FA2H: variants seen among roughly 807,000 people sequenced by gnomAD.
The protein encoded by FA2H is fatty acid 2-hydroxylase.
FA2H carries 22 observed loss-of-function variants against 44.9 expected under a neutral mutation model. The observed-to-expected ratio is 0.49, with a 90% CI of 0.35 to 0.70. The LOEUF is 0.70. Among genes scored for constraint, FA2H ranks in the 30% least tolerant of loss-of-function variants. FA2H has a pLI of 0.01. For missense variants in FA2H, 501 were observed against 504.9 expected (o/e 0.99, Z 0.07); for synonymous variants, 243 against 213.2 (o/e 1.14, Z -1.22).
chr16:74,720,573 T>C (rs1961813688), intron 4 of FA2H, among the ~76,000 whole-genome samples: 1 of 152,114 alleles, frequency 6.6e-6, no homozygotes, highest in Non-Finnish European at 1.5e-5. Context: ...CTTAACGGCT[T>C]TATCTAAATC....
intron 1 of FA2H, among the ~76,000 whole-genome samples, chr16:74,741,808 A>ATATATATATATATATGTGTGTG (rs1491185782): frequency 2.7e-4 from 13 of 48,384 alleles, no homozygotes; most frequent in African/African-American, 1.1e-3. Context: ...ATATATATAT[A>ATATATATATATATATGTGTGTG]TGTGTGTGTG....
At chr16:74,764,699 G>A (rs114880859) in intron 1 of FA2H, among the ~76,000 whole-genome samples, 284 of 151,568 alleles carry the variant, frequency 1.9e-3, no homozygotes, top group African/African-American at 6.6e-3. Flanking sequence ...TAACAAACCT[G>A]CACATGTATT....
chr16:74,774,373 G>C, intron 1 of FA2H, 113 bp downstream of exon 1: 2 of 1,030,382 alleles, frequency 1.9e-6, no homozygotes, highest in Non-Finnish European at 2.7e-6. Flanking sequence ...AGGGAAGGGA[G>C]GGCAGAAGCT....
rs773739894 is a variant in FA2H at position 74,774,740 on chromosome 16, G to A, written c.16C>T (p.Pro6Ser). Residue 6 changes from proline (P) to serine (S), a missense_variant, in exon 1 of 7, where the codon CCC (proline) becomes TCC (serine). By Grantham distance (74) the Pro-to-Ser change is moderately conservative. Transcript: ENST00000219368. ...GAGGGCGAGAAGGAGGCGGCGGGGG[G>A]CGGAGCGGGGGCCATGGCCGGAGAC... MAPAPPPAASFSPSEV... is the reference protein window; with the variant it reads MAPAPSPAASFSPSEV... The A allele has an allele frequency of 7.3e-5, 96 of 1,318,406 alleles. No individual in the cohort carries two copies. Among genetic ancestry groups the A allele is most frequent in the Non-Finnish European group, 7.1e-5 (74 of 1,043,624 alleles). The allele number at this position is 1,318,406 out of a possible 1,614,324, so 81.7% of individuals were successfully genotyped here.
intron 2 of FA2H, among the ~76,000 whole-genome samples, chr16:74,728,284 A>T (rs1347749841): frequency 3.9e-5 from 6 of 152,192 alleles, no homozygotes; most frequent in African/African-American, 1.4e-4. Context: ...TAATAACGGT[A>T]CCTGCATTAA....
intron 1 of FA2H, among the ~76,000 whole-genome samples, chr16:74,772,368 C>A (rs1962926085): frequency 6.6e-6 from 1 of 152,204 alleles, no homozygotes; most frequent in Non-Finnish European, 1.5e-5. Context: ...CCCTCTAGAT[C>A]CGTACTCTGA....
At chr16:74,758,462 T>A (rs1962652947) in intron 1 of FA2H, among the ~76,000 whole-genome samples, 1 of 152,098 alleles carries the variant, frequency 6.6e-6, no homozygotes, top group Non-Finnish European at 1.5e-5. Context: ...CTATTTAAAT[T>A]TTTATGAACT....
chr16:74,765,187 G>A (rs912680633), intron 1 of FA2H, among the ~76,000 whole-genome samples: 8 of 147,510 alleles, frequency 5.4e-5, no homozygotes, highest in East Asian at 2.0e-4. Context: ...ACAAAGTCTC[G>A]CTCTTGTCCC....
Position 74,713,250 on chromosome 16 carries a change from T to C in FA2H, c.*940A>G, listed in dbSNP as rs1191698726. Reference sequence around the variant, plus strand: ...AAGGGCCGTCTGACCAGCTCCTTGGTCTGGGACCAGACTAAGAACATGTAT... The same window carrying C: ...AAGGGCCGTCTGACCAGCTCCTTGGCCTGGGACCAGACTAAGAACATGTAT... On this transcript the variant is annotated 3_prime_UTR_variant, in exon 7 of 7. Transcript: ENST00000219368. The C allele has an allele frequency of 1.3e-5, 2 of 152,670 alleles. No homozygotes were observed. Among genetic ancestry groups the C allele is most frequent in the African/African-American group, 4.8e-5 (2 of 41,446 alleles). The allele number at this position is 152,670 out of a possible 1,614,324, so 9.5% of individuals were successfully genotyped here.
At chr16:74,770,469 C>T (rs528420233) in intron 1 of FA2H, among the ~76,000 whole-genome samples, 1 of 152,326 alleles carries the variant, frequency 6.6e-6, no homozygotes, top group African/African-American at 2.4e-5. Flanking sequence ...ACTTCCGCCT[C>T]CTGGGCTCCA....
intron 1 of FA2H, among the ~76,000 whole-genome samples, chr16:74,770,374 T>G (rs8043847): frequency 0.099 from 15,069 of 152,178 alleles, 893 homozygotes; most frequent in African/African-American, 0.16. Flanking sequence ...CCCACAAGTT[T>G]TTTGTTTGTT....
intron 1 of FA2H, among the ~76,000 whole-genome samples, chr16:74,743,431 C>T (rs567180245): frequency 2.0e-5 from 3 of 152,292 alleles, no homozygotes; most frequent in East Asian, 1.9e-4. Context: ...ATGAAGAAAC[C>T]GGAGGAGTCC....
chr16:74,745,662 C>T (rs1025336090), intron 1 of FA2H, among the ~76,000 whole-genome samples: 1 of 152,170 alleles, frequency 6.6e-6, no homozygotes, highest in East Asian at 1.9e-4. Context: ...CAAGGCCACA[C>T]AGGAGAGAAG....
intron 1 of FA2H, among the ~76,000 whole-genome samples, chr16:74,748,863 A>G (rs935852391): frequency 2.6e-5 from 4 of 152,218 alleles, no homozygotes; most frequent in Admixed American, 2.0e-4. Flanking sequence ...CTTTTATCCC[A>G]TAGCCTGGAT....
At chr16:74,769,751 T>C (rs1962871924) in intron 1 of FA2H, among the ~76,000 whole-genome samples, 1 of 152,210 alleles carries the variant, frequency 6.6e-6, no homozygotes, top group Non-Finnish European at 1.5e-5. Context: ...CATACTCTGC[T>C]AACATGTGGC....
intron 2 of FA2H, among the ~76,000 whole-genome samples, chr16:74,729,248 A>T (rs554277374): frequency 1.3e-5 from 2 of 152,214 alleles, no homozygotes; most frequent in South Asian, 4.1e-4. Flanking sequence ...GATCCTCGTG[A>T]TCTGCCCGCC....
chr16:74,757,241 T>C (rs1390866872), intron 1 of FA2H, among the ~76,000 whole-genome samples: 1 of 152,144 alleles, frequency 6.6e-6, no homozygotes, highest in Non-Finnish European at 1.5e-5. Context: ...TTCAGAAACA[T>C]GGAAAGACTC....
Position 74,716,368 on chromosome 16 carries a change from G to T in FA2H, c.1018C>A (p.His340Asn). 1 of 1,614,030 alleles carries T rather than the reference G, an allele frequency of 6.2e-7. No homozygotes were observed. The highest frequency in any genetic ancestry group is 8.5e-7 in the Non-Finnish European group (1 of 1,179,996). ...TCACCTGACTTCTGATGTGCAAAGT[G>T]GTGCTTGACGTGGTGGGCCTTCAGG... ...YSLKAHHVKH[H>N]FAHQKSGFGI... The change falls in exon 6 of 7, where the codon CAC becomes AAC. Residue 340 changes from histidine (H) to asparagine (N), a missense_variant. His to Asn is a moderately conservative substitution (Grantham distance 68). Transcript: ENST00000219368.
chr16:74,728,239 T>C (rs34398985), intron 2 of FA2H, among the ~76,000 whole-genome samples: 11,903 of 152,236 alleles, frequency 0.078, 624 homozygotes, highest in Non-Finnish European at 0.12. Flanking sequence ...GCCTGGGCAA[T>C]AGTTCGAGAC....
Sources: allele counts gnomAD v4.1 joint callset (sites outside exome capture counted in the v4.1 genomes callset), GRCh38; gene constraint gnomAD v4.1.1; transcripts MANE v1.5; gene names NCBI Gene and HGNC (gene_info 2026-07-23, HGNC 2026-07-21).